NTNG1: variants seen among roughly 807,000 people sequenced by gnomAD.
NTNG1 encodes netrin-G1.
NTNG1 carries 16 observed loss-of-function variants against 54.0 expected under a neutral mutation model. That is an observed-to-expected ratio of 0.30 (90% CI 0.20 to 0.45). The LOEUF is 0.45. Ranked by LOEUF, NTNG1 falls within the 20% of genes least tolerant of loss-of-function variation. The pLI is 1.00. For synonymous variants in NTNG1, 255 were observed against 263.1 expected (o/e 0.97, Z 0.30); for missense variants, 530 against 678.7 (o/e 0.78, Z 2.43).
rs1407681889 is a variant in NTNG1 at position 107,484,672 on chromosome 1, G to A, written c.*3832G>A. On this transcript the variant is annotated 3_prime_UTR_variant, in exon 8 of 8. Coordinates refer to ENST00000370068, the MANE Select transcript of NTNG1 (RefSeq NM_001113226.3). ...TCCCCTCACCTTCTCTTGGACCTGT[G>A]GTCTGACTGGAGTATAAGAAATTTT... Among the ~76,000 whole-genome samples, 5 of 152,154 alleles carry A rather than the reference G, an allele frequency of 3.3e-5. No individual in the cohort carries two copies. Among genetic ancestry groups the A allele is most frequent in the African/African-American group, 1.2e-4 (5 of 41,444 alleles).
chr1:107,278,191 T>C (rs1664605320), intron 2 of NTNG1, among the ~76,000 whole-genome samples: 1 of 152,200 alleles, frequency 6.6e-6, no homozygotes, highest in Non-Finnish European at 1.5e-5. Context: ...ATACCTTGAA[T>C]TGGGAAGGAC....
At chr1:107,289,699 C>A (rs529144968) in intron 2 of NTNG1, among the ~76,000 whole-genome samples, 4 of 152,202 alleles carry the variant, frequency 2.6e-5, no homozygotes, top group African/African-American at 9.6e-5. Flanking sequence ...GAAGAGATAA[C>A]GTGTCTTGTT....
At chr1:107,436,271 T>C (rs1675587002) in intron 6 of NTNG1, among the ~76,000 whole-genome samples, 1 of 152,206 alleles carries the variant, frequency 6.6e-6, no homozygotes, top group African/African-American at 2.4e-5. Context: ...AAATATTGAG[T>C]GCAATGGCTA....
intron 2 of NTNG1, among the ~76,000 whole-genome samples, chr1:107,201,203 C>T (rs2101286900): frequency 6.6e-6 from 1 of 151,854 alleles, no homozygotes. Flanking sequence ...GTAAACTTTA[C>T]TTCTTGGGCA....
intron 7 of NTNG1, chr1:107,460,380 C>T: frequency 1.9e-6 from 1 of 518,820 alleles, no homozygotes; most frequent in South Asian, 1.4e-5. Context: ...TCCTTCTGAG[C>T]CCTCACAGAT....
intron 2 of NTNG1, among the ~76,000 whole-genome samples, chr1:107,180,260 G>A (rs1656970663): frequency 6.6e-6 from 1 of 152,146 alleles, no homozygotes; most frequent in Non-Finnish European, 1.5e-5. Flanking sequence ...CTTTTACTTA[G>A]TAAGCATAAT....
chr1:107,306,420 G>A (rs985453494), intron 2 of NTNG1, among the ~76,000 whole-genome samples: 1 of 152,098 alleles, frequency 6.6e-6, no homozygotes, highest in African/African-American at 2.4e-5. Context: ...GCTCCCATAT[G>A]GGACAACACA....
At chr1:107,210,305 A>T (rs1362538065) in intron 2 of NTNG1, among the ~76,000 whole-genome samples, 2 of 152,202 alleles carry the variant, frequency 1.3e-5, no homozygotes, top group African/African-American at 4.8e-5. Context: ...AAACAAAGCA[A>T]GGAGAAAATT....
intron 3 of NTNG1, among the ~76,000 whole-genome samples, chr1:107,364,928 A>T (rs564835440): frequency 7.9e-5 from 12 of 152,298 alleles, no homozygotes; most frequent in Admixed American, 2.6e-4. Flanking sequence ...GTACTTCCCA[A>T]AGTATAGCAC....
At chr1:107,206,616 G>A (rs1659215543) in intron 2 of NTNG1, among the ~76,000 whole-genome samples, 1 of 152,088 alleles carries the variant, frequency 6.6e-6, no homozygotes, top group South Asian at 2.1e-4. Flanking sequence ...AAACATATAG[G>A]GTCCACTTTT....
intron 2 of NTNG1, among the ~76,000 whole-genome samples, chr1:107,237,723 G>T (rs1661508149): frequency 6.6e-6 from 1 of 152,136 alleles, no homozygotes; most frequent in South Asian, 2.1e-4. Context: ...GCTTGAGAGG[G>T]TTCAAACCCC....
chr1:107,475,865 CT>C (rs1172159080), intron 7 of NTNG1, among the ~76,000 whole-genome samples: 19 of 152,174 alleles, frequency 1.2e-4, no homozygotes, highest in Non-Finnish European at 5.9e-5. Flanking sequence ...TCCCTACCCA[CT>C]TGTGACAACC....
At chr1:107,202,305 A>G (rs1434925369) in intron 2 of NTNG1, among the ~76,000 whole-genome samples, 1 of 150,992 alleles carries the variant, frequency 6.6e-6, no homozygotes, top group Non-Finnish European at 1.5e-5. Context: ...TATTTGTTTA[A>G]CTTATATATA....
At chr1:107,278,745 T>G (rs1288128834) in intron 2 of NTNG1, among the ~76,000 whole-genome samples, 1 of 152,152 alleles carries the variant, frequency 6.6e-6, no homozygotes, top group Non-Finnish European at 1.5e-5. Context: ...TTTCATTGTT[T>G]GATGATTGTT....
chr1:107,410,111 C>G (rs970728037), intron 5 of NTNG1: 2 of 152,112 alleles, frequency 1.3e-5, no homozygotes, highest in South Asian at 2.1e-4. Flanking sequence ...GAATCAATGA[C>G]TATAATTCCA....
At position 107,406,537 on chromosome 1, in the gene NTNG1, C is replaced by G. The variant is rs189397415; in HGVS notation, c.1061-1145C>G. Among the ~76,000 whole-genome samples the G allele has an allele frequency of 1.6e-3, 243 of 152,234 alleles. 1 individual carries two copies. The highest frequency in any genetic ancestry group is 5.6e-3 in the African/African-American group (232 of 41,554). On this transcript the variant is annotated intron_variant, in intron 4 of 7. Coordinates refer to ENST00000370068, the MANE Select transcript of NTNG1 (RefSeq NM_001113226.3). ...GCTAGCAGACTTGCCTAAAATCACCCAGCAAGGCGGTATAAAGCAGAATTC... is the reference window on the plus strand; with the variant it reads ...GCTAGCAGACTTGCCTAAAATCACCGAGCAAGGCGGTATAAAGCAGAATTC...
intron 2 of NTNG1, among the ~76,000 whole-genome samples, chr1:107,156,958 A>G (rs1655048330): frequency 6.6e-6 from 1 of 152,148 alleles, no homozygotes; most frequent in Admixed American, 6.6e-5. Context: ...TGGCTTTAAA[A>G]TTTGCTTTAA....
chr1:107,298,969 T>C (rs1666153378), intron 2 of NTNG1, among the ~76,000 whole-genome samples: 1 of 152,220 alleles, frequency 6.6e-6, no homozygotes, highest in African/African-American at 2.4e-5. Context: ...TTGTGAAGAA[T>C]GTTGCTTTGG....
chr1:107,286,207 G>T (rs1455816811), intron 2 of NTNG1, among the ~76,000 whole-genome samples: 1 of 152,104 alleles, frequency 6.6e-6, no homozygotes, highest in East Asian at 1.9e-4. Context: ...CTACTCAATG[G>T]TGTAGAAGTG....
Sources: gnomAD v4.1 joint callset for allele counts (sites outside exome capture counted in the v4.1 genomes callset) on GRCh38, gnomAD v4.1.1 for gene constraint, MANE v1.5 for transcripts, NCBI Gene and HGNC (gene_info 2026-07-23, HGNC 2026-07-21) for gene names.